Variants in FKTN observed in about 807,000 individuals in gnomAD.
The protein encoded by FKTN is ribitol-5-phosphate transferase FKTN.
Under a neutral mutation model 58.6 loss-of-function variants are expected in FKTN, and 47 were observed. That is an observed-to-expected ratio of 0.80 (90% CI 0.63 to 1.02). FKTN has a LOEUF of 1.02. Among genes scored for constraint, FKTN ranks in the 50% least tolerant of loss-of-function variants. The probability of loss-of-function intolerance (pLI) is 0.00; values close to 1 mark genes in which losing one functional copy is unlikely to be tolerated. For missense variants in FKTN, 516 were observed against 537.3 expected (o/e 0.96, Z 0.39); for synonymous variants, 178 against 191.9 (o/e 0.93, Z 0.60).
chr9:105,569,268 C>A (rs962064866), intron 1 of FKTN, among the ~76,000 whole-genome samples: 1 of 151,958 alleles, frequency 6.6e-6, no homozygotes, highest in Non-Finnish European at 1.5e-5. Flanking sequence ...TGCACATGTA[C>A]CCTAGAGCTT....
At chr9:105,618,196 A>G (rs1831181066) in intron 9 of FKTN, 104 bp downstream of exon 9, 1 of 939,372 alleles carries the variant, frequency 1.1e-6, no homozygotes, top group Non-Finnish European at 1.7e-6. Context: ...ACATAATTTT[A>G]TCACTCAGTA....
intron 1 of FKTN, among the ~76,000 whole-genome samples, chr9:105,570,402 A>G (rs375866861): frequency 9.2e-5 from 14 of 152,318 alleles, no homozygotes; most frequent in African/African-American, 3.1e-4. Context: ...CTTCCATAGT[A>G]ACCCGTGCTT....
intron 1 of FKTN, among the ~76,000 whole-genome samples, chr9:105,564,472 A>G (rs1465895546): frequency 2.0e-5 from 3 of 152,270 alleles, no homozygotes; most frequent in Non-Finnish European, 4.4e-5. Flanking sequence ...TGGAGCTGAA[A>G]ACCATAGCAC....
At chr9:105,610,606 C>T (rs534829513) in intron 7 of FKTN, among the ~76,000 whole-genome samples, 2 of 152,030 alleles carry the variant, frequency 1.3e-5, no homozygotes, top group South Asian at 2.1e-4. Context: ...GCTGCACACA[C>T]GTAGAGGCAT....
At position 105,614,910 on chromosome 9, in the gene FKTN, G is replaced by T. The variant is rs543870672; in HGVS notation, c.781-368G>T. ...TTTTTTTTTTTTCTTTTTTGAGACAGTCTCATTCTGTCGCCCAGGCTGGAG... is the reference window on the plus strand; with the variant it reads ...TTTTTTTTTTTTCTTTTTTGAGACATTCTCATTCTGTCGCCCAGGCTGGAG... On this transcript the variant is annotated intron_variant, in intron 7 of 10. Coordinates refer to ENST00000357998, the MANE Select transcript of FKTN (RefSeq NM_001079802.2). Among the ~76,000 whole-genome samples the T allele has an allele frequency of 6.8e-5, 10 of 146,288 alleles. No individual in the cohort carries two copies. In the South Asian group the frequency reaches 2.1e-3, roughly 31 times the overall value.
chr9:105,634,756 A>G (rs1588312988), intron 10 of FKTN, among the ~76,000 whole-genome samples: 1 of 152,186 alleles, frequency 6.6e-6, no homozygotes, highest in South Asian at 2.1e-4. Flanking sequence ...CCCAAGGCTG[A>G]CTTTGATTTG....
chr9:105,602,416 A>G (rs545490103), intron 5 of FKTN, among the ~76,000 whole-genome samples: 2 of 152,356 alleles, frequency 1.3e-5, no homozygotes, highest in South Asian at 2.1e-4. Flanking sequence ...ATTTTAGAAG[A>G]AGGGGAGTAT....
rs1833987987 is a variant in FKTN, at chr9:105,635,803, A to G, written c.*539A>G. 1.3e-5 allele frequency: 13 copies of G among 1,001,646 alleles called. No individual in the cohort carries two copies. The highest frequency in any genetic ancestry group is 1.4e-5 in the Non-Finnish European group (12 of 838,616). The allele number at this position is 1,001,646 out of a possible 1,614,324, so 62.0% of individuals were successfully genotyped here. A position where few individuals can be genotyped will look rare whatever the true frequency, so the allele number is the denominator to read the frequency against. ...AAAGATGATATCAGGTTCATTTTTC[A>G]ACTAATCTTATGTGGAATTGAATTA... is the stretch of plus-strand genomic sequence containing the variant. On this transcript the variant is annotated 3_prime_UTR_variant, in exon 11 of 11. Transcript: ENST00000357998.
chr9:105,612,373 G>A (rs1483372422), intron 7 of FKTN, among the ~76,000 whole-genome samples: 4 of 152,034 alleles, frequency 2.6e-5, no homozygotes, highest in African/African-American at 9.7e-5. Context: ...CTTTTGCTGT[G>A]CAGAAGCTCT....
At chr9:105,588,267 AGTT>A (rs1564253499) in intron 3 of FKTN, among the ~76,000 whole-genome samples, 1 of 152,170 alleles carries the variant, frequency 6.6e-6, no homozygotes, top group Non-Finnish European at 1.5e-5. Flanking sequence ...TTTTCCTACC[AGTT>A]GTTGTTGGCA....
Position 105,639,219 on chromosome 9 carries a change from A to C in FKTN, c.*3955A>C, listed in dbSNP as rs1187385619. ...TACTGACCAGTCAAGAGAATTTCTC[A>C]AGAAAAATCCCAGCAACGTTCCCTC... On this transcript the variant is annotated 3_prime_UTR_variant, in exon 11 of 11. Coordinates refer to ENST00000357998, the MANE Select transcript of FKTN (RefSeq NM_001079802.2). 2 of 985,248 alleles carry C rather than the reference A, an allele frequency of 2.0e-6. No individual in the cohort carries two copies. The highest frequency in any genetic ancestry group is 1.2e-4 in the Admixed American group (2 of 16,266). The allele number at this position is 985,248 out of a possible 1,614,324, so 61.0% of individuals were successfully genotyped here.
intron 3 of FKTN, among the ~76,000 whole-genome samples, chr9:105,577,180 C>T (rs1452630408): frequency 1.3e-5 from 2 of 150,604 alleles, no homozygotes; most frequent in African/African-American, 5.0e-5. Context: ...TAATTAGATC[C>T]CATTTGTCAA....
intron 5 of FKTN, among the ~76,000 whole-genome samples, chr9:105,601,661 C>A (rs2132715918): frequency 6.6e-6 from 1 of 152,244 alleles, no homozygotes; most frequent in Non-Finnish European, 1.5e-5. Flanking sequence ...TGTCGTAGCT[C>A]CACATATCAC....
At chr9:105,570,313 A>G (rs1279804791) in intron 1 of FKTN, among the ~76,000 whole-genome samples, 2 of 152,168 alleles carry the variant, frequency 1.3e-5, no homozygotes, top group Admixed American at 1.3e-4. Flanking sequence ...CTGGTGGGGA[A>G]GATGATTCAT....
chr9:105,563,121 T>C (rs896311937), intron 1 of FKTN, among the ~76,000 whole-genome samples: 3 of 152,132 alleles, frequency 2.0e-5, no homozygotes, highest in Admixed American at 6.5e-5. Flanking sequence ...TACTAATACC[T>C]TCAAAGGACA....
intron 3 of FKTN, among the ~76,000 whole-genome samples, chr9:105,586,399 C>T (rs994459472): frequency 1.3e-5 from 2 of 152,094 alleles, no homozygotes; most frequent in South Asian, 2.1e-4. Context: ...GCAGCTCACA[C>T]CAGAATGGAA....
intron 3 of FKTN, among the ~76,000 whole-genome samples, chr9:105,580,186 T>C (rs1842609719): frequency 1.3e-5 from 2 of 152,182 alleles, no homozygotes; most frequent in South Asian, 4.1e-4. Flanking sequence ...AATATTGTTA[T>C]GTGTGAATTT....
intron 1 of FKTN, among the ~76,000 whole-genome samples, chr9:105,566,934 A>G (rs1295939369): frequency 6.6e-6 from 1 of 152,198 alleles, no homozygotes; most frequent in African/African-American, 2.4e-5. Flanking sequence ...GCACATCAAA[A>G]AGCTTATCCA....
chr9:105,589,648 C>G (rs1844506553), intron 3 of FKTN, among the ~76,000 whole-genome samples: 1 of 151,940 alleles, frequency 6.6e-6, no homozygotes, highest in South Asian at 2.1e-4. Flanking sequence ...GAATAACATA[C>G]TTGGGAAGGC....
Sources: gnomAD v4.1 joint callset for allele counts (sites outside exome capture counted in the v4.1 genomes callset) on GRCh38, gnomAD v4.1.1 for gene constraint, MANE v1.5 for transcripts, NCBI Gene and HGNC (gene_info 2026-07-23, HGNC 2026-07-21) for gene names.